Variants in ANKRD28 observed in about 807,000 individuals in gnomAD.
The protein encoded by ANKRD28 is ankyrin repeat domain 28.
A neutral mutation model predicts 126.5 loss-of-function variants in ANKRD28; 44 were observed. That is an observed-to-expected ratio of 0.35 (90% CI 0.27 to 0.45). ANKRD28 has a LOEUF of 0.45. Among genes scored for constraint, ANKRD28 ranks in the 20% least tolerant of loss-of-function variants. ANKRD28 has a pLI of 1.00. For missense variants in ANKRD28, 1,110 were observed against 1,316.6 expected, an observed-to-expected ratio of 0.84 and a Z score of 2.43; for synonymous variants, 442 against 468.5, an observed-to-expected ratio of 0.94 and a Z score of 0.73.
At chr3:15,684,625 CCT>C (rs2067897634) in intron 21 of ANKRD28, 1 of 152,116 alleles carries the variant, frequency 6.6e-6, no homozygotes, top group African/African-American at 2.4e-5. Context: ...ATGGCTCATG[CCT>C]GTAATCCTAG....
At position 15,797,579 on chromosome 3, in the gene ANKRD28, A is replaced by C; in HGVS notation, c.-1058T>G. 1 of 984,628 alleles carries C rather than the reference A, an allele frequency of 1.0e-6. No individual in the cohort carries two copies. The highest frequency in any genetic ancestry group is 1.2e-6 in the Non-Finnish European group (1 of 829,768). The allele number at this position is 984,628 out of a possible 1,614,324, so 61.0% of individuals were successfully genotyped here. A position where few individuals can be genotyped will look rare whatever the true frequency, so the allele number is the denominator to read the frequency against. The stretch of plus-strand genomic sequence containing the variant: ...TCTTTAAAAAAAAAAAGGGGGGGGA[A>C]AAACATAGTAGTGTATCATTCCAGT... On this transcript the variant is annotated 5_prime_UTR_variant, in exon 1 of 28. Coordinates refer to ENST00000683139, the MANE Select transcript of ANKRD28 (RefSeq NM_001349278.2).
intron 1 of ANKRD28, among the ~76,000 whole-genome samples, chr3:15,834,187 T>A (rs888802419): frequency 6.6e-6 from 1 of 152,170 alleles, no homozygotes; most frequent in Non-Finnish European, 1.5e-5. Flanking sequence ...ATTTTTATAG[T>A]TTCAGGTCTT....
chr3:15,779,614 T>C (rs11712568), intron 2 of ANKRD28, among the ~76,000 whole-genome samples: 76,947 of 151,988 alleles, frequency 0.51, 20,938 homozygotes, highest in Admixed American at 0.6. Context: ...TCCAAGGGCC[T>C]TAGTTTTGCC....
At chr3:15,832,939 T>G (rs943230908) in intron 1 of ANKRD28, among the ~76,000 whole-genome samples, 3 of 152,242 alleles carry the variant, frequency 2.0e-5, no homozygotes, top group Non-Finnish European at 4.4e-5. Context: ...TTAGGGTATA[T>G]TCACAGTAGT....
At chr3:15,727,197 T>C (rs1483937068) in intron 6 of ANKRD28, among the ~76,000 whole-genome samples, 1 of 152,104 alleles carries the variant, frequency 6.6e-6, no homozygotes, top group African/African-American at 2.4e-5. Context: ...AAATAACATT[T>C]GAAGTGGATA....
rs2060322275 is a variant in ANKRD28, at chr3:15,797,288, T to C, written c.-767A>G. 5 of 983,718 alleles carry C rather than the reference T, an allele frequency of 5.1e-6. No individual in the cohort carries two copies. The African/African-American group carries it at 5.3e-5, about 10-fold the overall frequency. The allele number at this position is 983,718 out of a possible 1,614,324, so 60.9% of individuals were successfully genotyped here. On this transcript the variant is annotated 5_prime_UTR_variant, in exon 1 of 28. Coordinates refer to ENST00000683139, the MANE Select transcript of ANKRD28 (RefSeq NM_001349278.2). ...TGATGAGTCAGACCACAAGAGACAA[T>C]ACGACTCTTGGTACTAGAATACAGC...
At chr3:15,707,255 GAAGA>G (rs2071577907) in intron 14 of ANKRD28, among the ~76,000 whole-genome samples, 1 of 108,848 alleles carries the variant, frequency 9.2e-6, no homozygotes, top group South Asian at 2.8e-4. Flanking sequence ...TTTCGTGCAA[GAAGA>G]AAAAAAAAAT....
chr3:15,716,112 A>G lies in ANKRD28; in HGVS notation c.997-1456T>C, dbSNP rs2072990864. On this transcript the variant is annotated intron_variant, in intron 8 of 27. Transcript: ENST00000683139. ...ATTCTCCTGCCTCAGCCTCCTGAGT[A>G]GCTGGGATTACAGGCATGCACCACC... Among the ~76,000 whole-genome samples the G allele has an allele frequency of 2.0e-5, 3 of 150,822 alleles. No homozygotes were observed. In the South Asian group the frequency reaches 6.3e-4, roughly 32 times the overall value.
At chr3:15,706,085 T>C (rs1413994012) in intron 14 of ANKRD28, among the ~76,000 whole-genome samples, 1 of 151,716 alleles carries the variant, frequency 6.6e-6, no homozygotes, top group African/African-American at 2.4e-5. Context: ...GTGTGTGTGA[T>C]TCTGAAATCT....
At chr3:15,831,371 A>G (rs1410356359) in intron 1 of ANKRD28, among the ~76,000 whole-genome samples, 3 of 152,190 alleles carry the variant, frequency 2.0e-5, no homozygotes, top group African/African-American at 7.2e-5. Context: ...CCACATAACT[A>G]CCAGCCCCTT....
At chr3:15,842,967 G>A (rs1336250741) in intron 1 of ANKRD28, among the ~76,000 whole-genome samples, 1 of 152,120 alleles carries the variant, frequency 6.6e-6, no homozygotes, top group Non-Finnish European at 1.5e-5. Flanking sequence ...GCTAAATTAT[G>A]TAATGAGTGT....
rs968172879 is a variant in ANKRD28, at chr3:15,854,176, G to C, written c.27+5201C>G. On this transcript the variant is annotated intron_variant, in intron 1 of 27. Coordinates refer to the ANKRD28 transcript ENST00000399451. This position sits in a 1 kb window ranked among gnomAD's most constrained non-coding sequence, Gnocchi z 4.1. ...GCAGGCCCTATTTTAAGGAGGCCCA[G>C]CTCAAACGTCCCATCACTTACCAAT... is the stretch of plus-strand genomic sequence containing the variant. Among the ~76,000 whole-genome samples, 1 of 152,182 alleles carries C rather than the reference G, an allele frequency of 6.6e-6. No individual in the cohort carries two copies. Among genetic ancestry groups the C allele is most frequent in the African/African-American group, 2.4e-5 (1 of 41,426 alleles).
intron 8 of ANKRD28, among the ~76,000 whole-genome samples, chr3:15,717,422 G>A (rs983174916): frequency 2.0e-5 from 3 of 152,036 alleles, no homozygotes; most frequent in African/African-American, 2.4e-5. Flanking sequence ...ACACGTTAGC[G>A]GGGAGAAGGC....
intron 1 of ANKRD28, among the ~76,000 whole-genome samples, chr3:15,828,865 T>C (rs1003680772): frequency 1.3e-5 from 2 of 152,202 alleles, no homozygotes; most frequent in African/African-American, 4.8e-5. Context: ...AAGGTAACTC[T>C]GCTTAATTTT....
At chr3:15,761,928 G>GT (rs1158754222) in intron 3 of ANKRD28, among the ~76,000 whole-genome samples, 2 of 152,108 alleles carry the variant, frequency 1.3e-5, no homozygotes, top group East Asian at 3.9e-4. Flanking sequence ...GCTCACAGCT[G>GT]TAATCCCAGC....
intron 1 of ANKRD28, among the ~76,000 whole-genome samples, chr3:15,835,219 A>AT (rs375106919): frequency 1.4e-3 from 220 of 152,288 alleles, no homozygotes; most frequent in African/African-American, 5.1e-3. Flanking sequence ...GTTTTATCTA[A>AT]TTTTTCAATA....
In ANKRD28 at chr3:15,796,867, T is replaced by C; in HGVS notation, c.-346A>G. Reference sequence around the variant, plus strand: ...CAAAATAGTCTTATTGCTCTATCTCTGAAATTTACTTGCACAAAACAATCA... The same window carrying C: ...CAAAATAGTCTTATTGCTCTATCTCCGAAATTTACTTGCACAAAACAATCA... On this transcript the variant is annotated 5_prime_UTR_variant, in exon 1 of 28. Coordinates refer to ENST00000683139, the MANE Select transcript of ANKRD28 (RefSeq NM_001349278.2). 1 of 988,124 alleles carries C rather than the reference T, an allele frequency of 1.0e-6. No individual in the cohort carries two copies. Among genetic ancestry groups the C allele is most frequent in the African/African-American group, 1.7e-5 (1 of 57,334 alleles). 61.2% of individuals were successfully genotyped at this position (988,124 alleles called of 1,614,324 possible). A position where few individuals can be genotyped will look rare whatever the true frequency, so the allele number is the denominator to read the frequency against.
At position 15,851,841 on chromosome 3, in the gene ANKRD28, G is replaced by GT. The variant is rs1399080164; in HGVS notation, c.27+7535dup. 2.0e-5 allele frequency among the ~76,000 whole-genome samples: 3 copies of GT among 152,288 alleles called. No individual in the cohort carries two copies. In the East Asian group the frequency reaches 5.8e-4, roughly 29 times the overall value. On this transcript the variant is annotated intron_variant, in intron 1 of 27. Transcript: ENST00000399451. ...CATAAAATCTTGTACACAAATGTTT[G>GT]TATCAGCATAACAACCAAAAAATGT...
At chr3:15,713,744 G>C in intron 9 of ANKRD28, 103 bp from the exon 10 acceptor site, 1 of 611,256 alleles carries the variant, frequency 1.6e-6, no homozygotes, top group South Asian at 3.3e-5. Flanking sequence ...CAAACTAATA[G>C]ATACAGCAAT....
Sources: gnomAD v4.1 joint callset for allele counts (sites outside exome capture counted in the v4.1 genomes callset) on GRCh38, gnomAD v4.1.1 for gene constraint, Gnocchi (gnomAD v3.1) non-coding constraint, MANE v1.5 for transcripts, NCBI Gene and HGNC (gene_info 2026-07-23, HGNC 2026-07-21) for gene names.